The following DDR2 variants were observed in gnomAD, a reference collection of about 807,000 sequenced individuals.
DDR2 encodes the protein discoidin domain-containing receptor 2.
A neutral mutation model predicts 94.9 loss-of-function variants in DDR2; 27 were observed. The observed-to-expected ratio is 0.28, with a 90% CI of 0.21 to 0.39. The LOEUF (loss-of-function observed/expected upper bound fraction) is 0.39. Ranked by LOEUF, DDR2 falls within the 10% of genes least tolerant of loss-of-function variation. DDR2 has a pLI of 1.00. For missense variants in DDR2, 783 were observed against 1,076.0 expected, an observed-to-expected ratio of 0.73 and a Z score of 3.81; for synonymous variants, 382 against 377.2, an observed-to-expected ratio of 1.01 and a Z score of -0.15.
intron 2 of DDR2, among the ~76,000 whole-genome samples, chr1:162,663,458 A>T (rs1463187640): frequency 2.0e-5 from 3 of 152,154 alleles, no homozygotes; most frequent in Non-Finnish European, 4.4e-5. Context: ...GTTGCAAAAT[A>T]TTGGATTTTC....
At chr1:162,681,098 G>A (rs1401953556) in intron 2 of DDR2, among the ~76,000 whole-genome samples, 1 of 152,244 alleles carries the variant, frequency 6.6e-6, no homozygotes, top group East Asian at 1.9e-4. Flanking sequence ...TTCCCCTTTT[G>A]CTGGATGACC....
At chr1:162,774,694 C>T (rs566280657) in intron 14 of DDR2, among the ~76,000 whole-genome samples, 2 of 152,236 alleles carry the variant, frequency 1.3e-5, no homozygotes, top group Admixed American at 6.5e-5. Flanking sequence ...TATGACAAAG[C>T]CTTTCTCCGT....
rs1648172875 is a variant in DDR2, at chr1:162,786,897, T to G, written c.*6651T>G. On this transcript the variant is annotated 3_prime_UTR_variant, in exon 18 of 18. Transcript: ENST00000367921. Reference sequence around the variant, plus strand: ...AACTGGTGATCCCTTATCGTTATGGTTACAGACTTGTCTTGTTTGATACAC... The same window carrying G: ...AACTGGTGATCCCTTATCGTTATGGGTACAGACTTGTCTTGTTTGATACAC... 6.6e-6 allele frequency: 1 copy of G among 152,236 alleles called. No individual in the cohort carries two copies. Among genetic ancestry groups the G allele is most frequent in the African/African-American group, 2.4e-5 (1 of 41,468 alleles). The allele number at this position is 152,236 out of a possible 1,614,324, so 9.4% of individuals were successfully genotyped here.
intron 14 of DDR2, among the ~76,000 whole-genome samples, chr1:162,774,828 G>A (rs1647437072): frequency 6.6e-6 from 1 of 152,178 alleles, no homozygotes; most frequent in Non-Finnish European, 1.5e-5. Context: ...GAATGAAAGA[G>A]GGGAGGTGTT....
intron 3 of DDR2, among the ~76,000 whole-genome samples, chr1:162,734,386 C>G (rs1182694798): frequency 6.6e-6 from 1 of 152,170 alleles, no homozygotes. Flanking sequence ...TTGGTTAATG[C>G]CAGACATCCT....
intron 2 of DDR2, among the ~76,000 whole-genome samples, chr1:162,687,622 C>T (rs1355825415): frequency 2.6e-5 from 4 of 152,046 alleles, no homozygotes; most frequent in Non-Finnish European, 4.4e-5. Flanking sequence ...TTATAACTGA[C>T]TATAATACTG....
chr1:162,749,763 T>G (rs1663084235), intron 3 of DDR2, among the ~76,000 whole-genome samples: 3 of 152,190 alleles, frequency 2.0e-5, no homozygotes, highest in Non-Finnish European at 4.4e-5. Flanking sequence ...AAATCCTAAA[T>G]AAAATACTGG....
intron 3 of DDR2, among the ~76,000 whole-genome samples, chr1:162,740,190 T>C (rs1316429510): frequency 1.3e-5 from 2 of 152,190 alleles, no homozygotes; most frequent in Non-Finnish European, 2.9e-5. Flanking sequence ...GAGATAGGAC[T>C]CACACGTGGT....
At chr1:162,719,003 C>T in intron 2 of DDR2, 34 bp from the exon 3 acceptor site, 3 of 1,603,172 alleles carry the variant, frequency 1.9e-6, no homozygotes, top group Middle Eastern at 1.7e-4. Context: ...CTCTCCTTCT[C>T]TTTCTGTTTT....
chr1:162,754,456 C>G (rs1226514709), intron 4 of DDR2, among the ~76,000 whole-genome samples, 168 bp from the exon 5 acceptor site: 3 of 152,106 alleles, frequency 2.0e-5, no homozygotes, highest in African/African-American at 7.2e-5. Context: ...GGGATCTGAC[C>G]ACAAATGGGT....
chr1:162,753,440 C>T (rs1350536732), intron 4 of DDR2, among the ~76,000 whole-genome samples: 1 of 152,184 alleles, frequency 6.6e-6, no homozygotes, highest in East Asian at 1.9e-4. Flanking sequence ...GCCACATTAC[C>T]CACAGTGAAT....
Position 162,719,073 on chromosome 1 carries a change from AT to A in DDR2, c.12del (p.Arg6GlufsTer13). ...AACACCATCTTCTGAGATGATCCTG[AT>A]TCCCAGAATGCTCTTGGTGCTGTTC... MIL[I>X]PRMLLVLFLL... On this transcript the variant is annotated frameshift_variant, in exon 3 of 18. Transcript: ENST00000367921. LOFTEE classifies it high-confidence loss of function. 3 of 1,613,834 alleles carry A rather than the reference AT, an allele frequency of 1.9e-6. No individual in the cohort carries two copies. Among genetic ancestry groups the A allele is most frequent in the Non-Finnish European group, 2.5e-6 (3 of 1,179,778 alleles).
rs116479809 is a variant in DDR2 at position 162,672,057 on chromosome 1, A to G, written c.-28+16683A>G. 3.5e-3 allele frequency among the ~76,000 whole-genome samples: 528 copies of G among 152,314 alleles called. 4 individuals carry two copies. Among genetic ancestry groups the G allele is most frequent in the African/African-American group, 0.012 (507 of 41,564 alleles). On this transcript the variant is annotated intron_variant, in intron 2 of 17. Coordinates refer to ENST00000367921, the MANE Select transcript of DDR2 (RefSeq NM_006182.4). ...TTAGTTCATCCTCTTTAGAGCTACC[A>G]GAGCACATACTCTTGATACATCTTC...
chr1:162,719,142 C>T lies in DDR2; in HGVS notation c.79C>T (p.Pro27Ser), dbSNP rs1411228765. 1 of 1,613,746 alleles carries T rather than the reference C, an allele frequency of 6.2e-7. No homozygotes were observed. Among genetic ancestry groups the T allele is most frequent in the Middle Eastern group, 1.7e-4 (1 of 6,056 alleles). Reference protein sequence around the residue: ...ILSSAKAQVNPAICRYPLGMS... With the variant: ...ILSSAKAQVNSAICRYPLGMS... Reference sequence around the variant, plus strand: ...GAGTTCTGCAAAAGCTCAGGTTAATCCAGGTAACATGGCTATTACTCAGCT... The same window carrying T: ...GAGTTCTGCAAAAGCTCAGGTTAATTCAGGTAACATGGCTATTACTCAGCT... Residue 27 changes from proline (P) to serine (S), a missense_variant, in exon 3 of 18, where the codon CCA becomes TCA. Pro to Ser is a moderately conservative substitution (Grantham distance 74). Transcript: ENST00000367921.
At chr1:162,754,183 G>C (rs973687485) in intron 4 of DDR2, among the ~76,000 whole-genome samples, 17 of 152,010 alleles carry the variant, frequency 1.1e-4, no homozygotes, top group African/African-American at 3.6e-4. Flanking sequence ...TGCCCATCCT[G>C]CTGCATTGCA....
rs80188230 is a variant in DDR2, at chr1:162,752,668, C to T, written c.83-427C>T. Among the ~76,000 whole-genome samples the T allele has an allele frequency of 3.5e-3, 533 of 152,170 alleles. 6 individuals are homozygous for T. Among genetic ancestry groups the T allele is most frequent in the East Asian group, 0.034 (176 of 5,170 alleles). On this transcript the variant is annotated intron_variant, in intron 3 of 17. Transcript: ENST00000367921. ...TTCTTTATAGTTTTTATGCAATTAA[C>T]TACTGAAAAAAATAATTCTTTGGGT...
rs370807416 is a variant in DDR2 at position 162,633,312 on chromosome 1, T to A, written c.-192+681T>A. Among the ~76,000 whole-genome samples, 361 of 152,238 alleles carry A rather than the reference T, an allele frequency of 2.4e-3. 2 individuals carry two copies. The highest frequency in any genetic ancestry group is 8.4e-3 in the African/African-American group (348 of 41,534). On this transcript the variant is annotated intron_variant, in intron 1 of 17. Transcript: ENST00000367921. ...TGGGACCTCTGAGTCCTGGCCTAGG[T>A]TCAAGAGTCCCATCCAAAGGGAAAG...
At chr1:162,714,438 T>C (rs1324845804) in intron 2 of DDR2, among the ~76,000 whole-genome samples, 4 of 152,210 alleles carry the variant, frequency 2.6e-5, no homozygotes, top group Non-Finnish European at 2.9e-5. Context: ...TTGTGAGGTG[T>C]AGATATACCT....
At chr1:162,635,714 T>A (rs552226264) in intron 1 of DDR2, among the ~76,000 whole-genome samples, 1 of 152,294 alleles carries the variant, frequency 6.6e-6, no homozygotes, top group Non-Finnish European at 1.5e-5. Flanking sequence ...TGAGGACTGT[T>A]CACCAGGAAA....
Sources: allele counts gnomAD v4.1 joint callset (sites outside exome capture counted in the v4.1 genomes callset), GRCh38; gene constraint gnomAD v4.1.1; transcripts MANE v1.5; gene names NCBI Gene and HGNC (gene_info 2026-07-23, HGNC 2026-07-21).